Variants in PCLO observed in about 807,000 individuals in gnomAD.
PCLO encodes the protein protein piccolo.
Under a neutral mutation model 427.5 loss-of-function variants are expected in PCLO, and 82 were observed. That is an observed-to-expected ratio of 0.19 (90% confidence interval 0.16 to 0.23). The LOEUF is 0.23. PCLO is among the 10% of genes least tolerant of loss of function. The pLI, the probability that PCLO is intolerant of heterozygous loss-of-function variation, is 1.00. For synonymous variants in PCLO, 2,357 were observed against 2,155.4 expected (o/e 1.09, Z -2.59); for missense variants, 6,239 against 6,115.9 (o/e 1.02, Z -0.67).
rs76861235 is a variant in PCLO, at chr7:82,782,760, G to C, written c.15007+18758C>G. ...TCATTTCAAGCAAAACTCTTCTAAA[G>C]TTTCCATAATATAAATATATTTGAA... On this transcript the variant is annotated intron_variant, in intron 22 of 24. Transcript: ENST00000333891. 3.3e-3 allele frequency among the ~76,000 whole-genome samples: 503 copies of C among 152,226 alleles called. 3 individuals are homozygous for C. Among genetic ancestry groups the C allele is most frequent in the Non-Finnish European group, 5.1e-3 (348 of 68,008 alleles).
chr7:82,762,901 C>T (rs114515173), intron 22 of PCLO, among the ~76,000 whole-genome samples: 3,602 of 152,026 alleles, frequency 0.024, 147 homozygotes, highest in African/African-American at 0.082. Flanking sequence ...CTTGGCCTTA[C>T]AAAGTGCTGG....
chr7:82,966,629 T>A (rs1422323320), intron 3 of PCLO, 142 bp from the exon 4 acceptor site: 1 of 475,096 alleles, frequency 2.1e-6, no homozygotes, highest in African/African-American at 2.0e-5. Flanking sequence ...CCAAATCCAA[T>A]GACGCAGTAA....
rs189388257 is a variant in PCLO at position 82,823,168 on chromosome 7, T to C, written c.14597-479A>G. On this transcript the variant is annotated intron_variant, in intron 19 of 24. Coordinates refer to ENST00000333891, the MANE Select transcript of PCLO (RefSeq NM_033026.6). ...CAGTCATAGAAAGAGATCTTTATACTAATGATCATGCAGTATGTTAAGCAA... is the reference window on the plus strand; with the variant it reads ...CAGTCATAGAAAGAGATCTTTATACCAATGATCATGCAGTATGTTAAGCAA... Among the ~76,000 whole-genome samples the C allele has an allele frequency of 7.2e-3, 1,094 of 152,308 alleles. 6 individuals carry two copies. The highest frequency in any genetic ancestry group is 0.012 in the Non-Finnish European group (845 of 68,038).
intron 15 of PCLO, 130 bp from the exon 16 acceptor site, chr7:82,835,823 T>TA (rs1410425550): frequency 4.3e-6 from 3 of 699,928 alleles, no homozygotes; most frequent in Non-Finnish European, 7.4e-6. Flanking sequence ...TCCCATAACA[T>TA]AAATGACATG....
chr7:82,865,002 G>C (rs559398618), intron 10 of PCLO, among the ~76,000 whole-genome samples: 2 of 152,050 alleles, frequency 1.3e-5, no homozygotes, highest in Non-Finnish European at 2.9e-5. Context: ...AAAATATTGA[G>C]AGATTTTATT....
chr7:82,765,090 A>G (rs10486987), intron 22 of PCLO, among the ~76,000 whole-genome samples: 64,553 of 151,678 alleles, frequency 0.43, 15,700 homozygotes, highest in East Asian at 0.72. Context: ...TAATACACTC[A>G]ATGGCTTTCA....
chr7:82,988,145 G>A (rs1320304164), intron 3 of PCLO, among the ~76,000 whole-genome samples: 1 of 151,976 alleles, frequency 6.6e-6, no homozygotes, highest in East Asian at 1.9e-4. Context: ...TTCTGAAGTA[G>A]ATGGGACTAC....
intron 18 of PCLO, among the ~76,000 whole-genome samples, chr7:82,825,191 C>A (rs1219872791): frequency 6.6e-6 from 1 of 151,828 alleles, no homozygotes; most frequent in Non-Finnish European, 1.5e-5. Flanking sequence ...TTTCTTAGTA[C>A]ATTGGTGCAT....
intron 3 of PCLO, among the ~76,000 whole-genome samples, chr7:83,019,434 T>G (rs1486148414): frequency 1.4e-5 from 2 of 147,852 alleles, no homozygotes; most frequent in African/African-American, 2.5e-5. Context: ...CAATCATAAG[T>G]TTTTTTTTTA....
At chr7:82,838,911 G>C (rs1373134206) in intron 14 of PCLO, among the ~76,000 whole-genome samples, 1 of 151,880 alleles carries the variant, frequency 6.6e-6, no homozygotes, top group African/African-American at 2.4e-5. Context: ...TTTCCTAATA[G>C]AGTGAGATAC....
At chr7:83,149,948 A>G (rs1562992081) in intron 2 of PCLO, among the ~76,000 whole-genome samples, 1 of 152,302 alleles carries the variant, frequency 6.6e-6, no homozygotes, top group East Asian at 1.9e-4. Flanking sequence ...GTTAGACAAA[A>G]TATCTGGCTT....
chr7:83,034,445 C>G (rs1788745048), intron 3 of PCLO, among the ~76,000 whole-genome samples: 1 of 152,176 alleles, frequency 6.6e-6, no homozygotes, highest in African/African-American at 2.4e-5. Flanking sequence ...TGCCTCGGCC[C>G]CCACAGTGCT....
intron 6 of PCLO, among the ~76,000 whole-genome samples, chr7:82,947,519 A>C (rs2116407251): frequency 6.6e-6 from 1 of 152,338 alleles, no homozygotes; most frequent in East Asian, 1.9e-4. Context: ...TAGAAATTAT[A>C]AAATTCACAT....
Position 83,156,398 on chromosome 7 carries a change from A to G in PCLO, c.249-6T>C, listed in dbSNP as rs1393175839. ...TACTATCCAACTCTTGTTTCCTAGA[A>G]GAGTTAAAAAAAAAAAAAAAAATCA... On this transcript the variant is annotated splice_region_variant and splice_polypyrimidine_tract_variant and intron_variant, in intron 1 of 24. Coordinates refer to ENST00000333891, the MANE Select transcript of PCLO (RefSeq NM_033026.6). 23 of 1,404,002 alleles carry G rather than the reference A, an allele frequency of 1.6e-5. No homozygotes were observed. The highest frequency in any genetic ancestry group is 2.1e-5 in the Non-Finnish European group (22 of 1,057,862). 87.0% of individuals were successfully genotyped at this position (1,404,002 alleles called of 1,614,324 possible).
rs764208786 is a variant in PCLO, at chr7:82,949,986, T to C, written c.10602A>G (p.Ile3534Met). Reference sequence around the variant, plus strand: ...CTCGTGCCCGTATGGAGGGTGTTCTTATGGTTCCAACTGGTTCAGTTTGCA... The same window carrying C: ...CTCGTGCCCGTATGGAGGGTGTTCTCATGGTTCCAACTGGTTCAGTTTGCA... ...ISVQTEPVGT[I>M]RTPSIRARVD... The change falls in exon 6 of 25, where the codon ATA becomes ATG. Residue 3534 changes from isoleucine (I) to methionine (M), a missense_variant. Around this residue, in one of 5 missense-constraint regions of PCLO, gnomAD observed 4,677 missense variants for 4,468.4 expected, o/e 1.05. Coordinates refer to ENST00000333891, the MANE Select transcript of PCLO (RefSeq NM_033026.6). 2 of 1,613,550 alleles carry C rather than the reference T, an allele frequency of 1.2e-6. No homozygotes were observed. The highest frequency in any genetic ancestry group is 2.7e-5 in the African/African-American group (2 of 74,890).
chr7:82,779,539 TCTA>T (rs1039605734), intron 22 of PCLO, among the ~76,000 whole-genome samples: 3 of 152,292 alleles, frequency 2.0e-5, no homozygotes, highest in African/African-American at 7.2e-5. Context: ...TTGTACTTTT[TCTA>T]CTCTTTTCCT....
chr7:82,931,339 A>G (rs775235462), intron 6 of PCLO, among the ~76,000 whole-genome samples: 15 of 152,158 alleles, frequency 9.9e-5, no homozygotes, highest in Non-Finnish European at 1.9e-4. Context: ...ATTTTAGGTG[A>G]TAGATTGTGT....
intron 10 of PCLO, among the ~76,000 whole-genome samples, chr7:82,871,716 A>C (rs1223575381): frequency 6.6e-6 from 1 of 151,994 alleles, no homozygotes; most frequent in Admixed American, 6.6e-5. Context: ...CATGTACTCT[A>C]TAAATATGTA....
At chr7:82,837,984 T>C (rs1000551057) in intron 15 of PCLO, among the ~76,000 whole-genome samples, 3 of 151,974 alleles carry the variant, frequency 2.0e-5, no homozygotes, top group Non-Finnish European at 4.4e-5. Context: ...GCTGATTTGC[T>C]CTCTTGGAGG....
Sources: allele counts gnomAD v4.1 joint callset (sites outside exome capture counted in the v4.1 genomes callset), GRCh38; gene constraint gnomAD v4.1.1; regional missense constraint gnomAD v4.1.1; transcripts MANE v1.5; gene names NCBI Gene and HGNC (gene_info 2026-07-23, HGNC 2026-07-21).